RHBDL2: variants seen among roughly 807,000 people sequenced by gnomAD.
The protein encoded by RHBDL2 is rhomboid like 2.
A neutral mutation model predicts 31.7 loss-of-function variants in RHBDL2; 26 were observed. The ratio of observed to expected loss-of-function variants is 0.82; its 90% CI spans 0.60 to 1.14. The LOEUF (loss-of-function observed/expected upper bound fraction) is 1.14. RHBDL2 is among the 50% of genes most tolerant of loss of function. RHBDL2 has a pLI of 0.00. For missense variants in RHBDL2, 336 were observed against 364.4 expected, an observed-to-expected ratio of 0.92 and a Z score of 0.63; for synonymous variants, 123 against 127.2, an observed-to-expected ratio of 0.97 and a Z score of 0.22.
At chr1:38,900,319 C>CT (rs2124311282) in intron 4 of RHBDL2, among the ~76,000 whole-genome samples, 1 of 152,148 alleles carries the variant, frequency 6.6e-6, no homozygotes, top group Admixed American at 6.5e-5. Context: ...ACTCGGGAGG[C>CT]TGAGACACAA....
intron 3 of RHBDL2, among the ~76,000 whole-genome samples, chr1:38,912,898 ATATATATATATATGTGTGTG>A (rs771516773): frequency 0.024 from 2,002 of 84,140 alleles, 32 homozygotes; most frequent in Middle Eastern, 0.065. Context: ...ATATATATAT[ATATATATATATATGTGTGTG>A]TGTGTGTGTG....
chr1:38,927,797 A>T (rs2124349257), intron 1 of RHBDL2, among the ~76,000 whole-genome samples: 1 of 152,354 alleles, frequency 6.6e-6, no homozygotes. Context: ...TAAACACTTT[A>T]TGAGCATTGT....
intron 1 of RHBDL2, among the ~76,000 whole-genome samples, chr1:38,939,642 G>A (rs1364065783): frequency 6.6e-6 from 1 of 152,000 alleles, no homozygotes; most frequent in Non-Finnish European, 1.5e-5. Flanking sequence ...CACAGAGTGA[G>A]GCTCCACCTC....
rs1290812137 is a variant in RHBDL2 at position 38,907,746 on chromosome 1, T to C, written c.508+3576A>G. 5.3e-5 allele frequency among the ~76,000 whole-genome samples: 8 copies of C among 152,016 alleles called. No homozygotes were observed. In the East Asian group the frequency reaches 1.4e-3, roughly 26 times the overall value. ...CCAAGTGAGACCCTGTCTCTAAAAG[T>C]GAACAAACAAATAAATGTAAAGCAT... On this transcript the variant is annotated intron_variant, in intron 4 of 7. Transcript: ENST00000372990.
chr1:38,931,290 G>A (rs941396103), intron 1 of RHBDL2, among the ~76,000 whole-genome samples: 1 of 152,146 alleles, frequency 6.6e-6, no homozygotes, highest in Non-Finnish European at 1.5e-5. Flanking sequence ...GGGAGGCCGA[G>A]GTGGGCAGAT....
At chr1:38,907,413 G>A (rs1163256302) in intron 4 of RHBDL2, among the ~76,000 whole-genome samples, 5 of 152,086 alleles carry the variant, frequency 3.3e-5, no homozygotes, top group East Asian at 1.9e-4. Context: ...GGTGGTGGGC[G>A]CCTGTAATCC....
intron 4 of RHBDL2, among the ~76,000 whole-genome samples, chr1:38,900,327 C>T (rs1175011883): frequency 1.3e-5 from 2 of 151,778 alleles, no homozygotes; most frequent in Non-Finnish European, 2.9e-5. Flanking sequence ...GGCTGAGACA[C>T]AAGAACCCCC....
chr1:38,933,726 ATTTTTT>A (rs10579780), intron 1 of RHBDL2, among the ~76,000 whole-genome samples: 16 of 135,322 alleles, frequency 1.2e-4, no homozygotes, highest in Non-Finnish European at 9.5e-5. Context: ...GGTCTTCACA[ATTTTTT>A]TTTTTTTTTT....
intron 6 of RHBDL2, among the ~76,000 whole-genome samples, chr1:38,889,031 T>C (rs187006975): frequency 7.9e-4 from 121 of 152,278 alleles, no homozygotes; most frequent in Middle Eastern, 3.4e-3. Context: ...TTGTAAGGAC[T>C]TCAACCTTTA....
At chr1:38,917,988 G>T (rs952660993) in intron 2 of RHBDL2, among the ~76,000 whole-genome samples, 1 of 152,124 alleles carries the variant, frequency 6.6e-6, no homozygotes, top group African/African-American at 2.4e-5. Context: ...CTAGAGAAAA[G>T]ATTGTCCTCT....
chr1:38,907,680 C>T (rs1643086409), intron 4 of RHBDL2, among the ~76,000 whole-genome samples: 1 of 152,162 alleles, frequency 6.6e-6, no homozygotes, highest in Non-Finnish European at 1.5e-5. Flanking sequence ...CTGCAGGCTG[C>T]AGTAAGCTAT....
chr1:38,893,043 C>T (rs1350967074), intron 6 of RHBDL2, 121 bp downstream of exon 6: 1 of 575,136 alleles, frequency 1.7e-6, no homozygotes, highest in African/African-American at 1.9e-5. Context: ...CCATAGACCT[C>T]CCAGGTCTGT....
At chr1:38,914,746 C>A (rs1457987106) in intron 3 of RHBDL2, among the ~76,000 whole-genome samples, 1 of 151,696 alleles carries the variant, frequency 6.6e-6, no homozygotes, top group African/African-American at 2.4e-5. Flanking sequence ...AGTATACTGG[C>A]CTTAAGGGCA....
chr1:38,905,881 C>T (rs1449244008), intron 4 of RHBDL2, among the ~76,000 whole-genome samples: 1 of 151,722 alleles, frequency 6.6e-6, no homozygotes, highest in Non-Finnish European at 1.5e-5. Flanking sequence ...GCCTGGCCAA[C>T]ATAATGAAAC....
chr1:38,920,989 G>A (rs935184021), intron 1 of RHBDL2, among the ~76,000 whole-genome samples: 13 of 152,102 alleles, frequency 8.5e-5, no homozygotes, highest in African/African-American at 3.1e-4. Context: ...GGGTCATATG[G>A]TAATTAATTC....
intron 2 of RHBDL2, 58 bp downstream of exon 2, chr1:38,918,909 G>A (rs1643272673): frequency 6.4e-7 from 1 of 1,573,896 alleles, no homozygotes; most frequent in Non-Finnish European, 8.6e-7. Flanking sequence ...CTGACCCCTA[G>A]TTTGTTCCCA....
At chr1:38,889,811 A>G (rs1159925819) in intron 6 of RHBDL2, among the ~76,000 whole-genome samples, 2 of 152,158 alleles carry the variant, frequency 1.3e-5, no homozygotes, top group Non-Finnish European at 2.9e-5. Context: ...CTAATTCCCT[A>G]TGCTCTACTT....
At chr1:38,919,475 G>T (rs1643281575) in intron 1 of RHBDL2, 138 bp from the exon 2 acceptor site, 2 of 663,106 alleles carry the variant, frequency 3.0e-6, no homozygotes, top group East Asian at 3.4e-5. Context: ...CCATGTATCA[G>T]CTGTAAGTTA....
At chr1:38,918,855 C>T (rs1348958773) in intron 2 of RHBDL2, 112 bp downstream of exon 2, 12 of 1,338,792 alleles carry the variant, frequency 9.0e-6, no homozygotes, top group African/African-American at 2.9e-5. Flanking sequence ...CCCATCCCCA[C>T]GAAGCTCTCT....
Sources: gnomAD v4.1 joint callset for allele counts (sites outside exome capture counted in the v4.1 genomes callset) on GRCh38, gnomAD v4.1.1 for gene constraint, MANE v1.5 for transcripts, NCBI Gene and HGNC (gene_info 2026-07-23, HGNC 2026-07-21) for gene names.